The following SAMTOR variants were observed in gnomAD, a reference collection of about 807,000 sequenced individuals.
The protein encoded by SAMTOR is S-adenosylmethionine sensor upstream of mTORC1, also known as UPF0532 protein C7orf60.
the SAMTOR span, among the ~76,000 whole-genome samples, chr7:112,924,167 T>C: frequency 0.011 from 1,631 of 151,436 alleles, 32 homozygotes; most frequent in African/African-American, 0.037. Flanking sequence ...ACATTGTGCA[T>C]ATGTACCCTA....
chr7:112,907,668 G>A, the SAMTOR span, among the ~76,000 whole-genome samples: 3 of 150,834 alleles, frequency 2.0e-5, no homozygotes, highest in Non-Finnish European at 3.0e-5. Context: ...TAATTCACAG[G>A]AAAAAAAGGC....
chr7:112,919,094 G>A, the SAMTOR span, among the ~76,000 whole-genome samples: 2 of 152,066 alleles, frequency 1.3e-5, no homozygotes, highest in Non-Finnish European at 2.9e-5. Context: ...TGCACCAAGT[G>A]GACCTAATAG....
chr7:112,908,429 C>T, the SAMTOR span, among the ~76,000 whole-genome samples: 1 of 152,152 alleles, frequency 6.6e-6, no homozygotes, highest in African/African-American at 2.4e-5. Flanking sequence ...TCATGGATTG[C>T]CACCTTGCCC....
the SAMTOR span, chr7:112,939,414 G>A: frequency 6.6e-6 from 6 of 913,086 alleles, no homozygotes; most frequent in Non-Finnish European, 8.1e-6. Context: ...GGGGCGGGGA[G>A]GAGCGCGTCT....
the SAMTOR span, among the ~76,000 whole-genome samples, chr7:112,906,272 G>C: frequency 9.8e-5 from 15 of 152,300 alleles, no homozygotes; most frequent in South Asian, 3.1e-3. Context: ...CAATTGTTAA[G>C]TATTTGTGTA....
At chr7:112,827,063 C>T in the SAMTOR span, among the ~76,000 whole-genome samples, 1 of 152,070 alleles carries the variant, frequency 6.6e-6, no homozygotes, top group Non-Finnish European at 1.5e-5. Flanking sequence ...TCATTTTTAT[C>T]CCTGATCATA....
chr7:112,821,556 A>C, the SAMTOR span: 1 of 491,362 alleles, frequency 2.0e-6, no homozygotes, highest in Non-Finnish European at 3.5e-6. Context: ...ACTCTGCATG[A>C]AACTTTAAGC....
the SAMTOR span, among the ~76,000 whole-genome samples, chr7:112,903,443 GAAA>G: frequency 7.3e-6 from 1 of 137,628 alleles, no homozygotes; most frequent in Non-Finnish European, 1.6e-5. Flanking sequence ...ATCCTGGATT[GAAA>G]AAAAAAAAAA....
At chr7:112,865,802 T>C in the SAMTOR span, among the ~76,000 whole-genome samples, 1 of 143,634 alleles carries the variant, frequency 7.0e-6, no homozygotes, top group Non-Finnish European at 1.5e-5. Flanking sequence ...ATATACTTAT[T>C]TATATATTTA....
the SAMTOR span, chr7:112,939,328 G>A: frequency 3.7e-6 from 2 of 545,084 alleles, no homozygotes; most frequent in Non-Finnish European, 6.5e-6. Context: ...CCCGGCTGGG[G>A]ACAGGGGCTT....
chr7:112,822,966 C>A, the SAMTOR span, among the ~76,000 whole-genome samples: 1 of 151,872 alleles, frequency 6.6e-6, no homozygotes, highest in Admixed American at 6.6e-5. Flanking sequence ...AGACAAATGA[C>A]CATGGGAAAC....
the SAMTOR span, among the ~76,000 whole-genome samples, chr7:112,872,923 G>A: frequency 3.3e-5 from 5 of 151,548 alleles, no homozygotes; most frequent in Non-Finnish European, 5.9e-5. Flanking sequence ...CCCCTTTACA[G>A]TAGCTGTGTG....
the SAMTOR span, among the ~76,000 whole-genome samples, chr7:112,896,997 G>A: frequency 1.3e-5 from 2 of 152,060 alleles, no homozygotes; most frequent in African/African-American, 4.8e-5. Context: ...AAGATGAGTG[G>A]ACCTATTCAC....
chr7:112,874,724 T>A, the SAMTOR span, among the ~76,000 whole-genome samples: 5 of 145,478 alleles, frequency 3.4e-5, no homozygotes, highest in East Asian at 9.7e-4. Flanking sequence ...TCTGTCTTAA[T>A]CTTGATGTTT....
At chr7:112,877,272 A>G in the SAMTOR span, among the ~76,000 whole-genome samples, 1 of 152,198 alleles carries the variant, frequency 6.6e-6, no homozygotes, top group Non-Finnish European at 1.5e-5. Flanking sequence ...GTGTTCTAAC[A>G]GGAAAGACAG....
the SAMTOR span, among the ~76,000 whole-genome samples, chr7:112,869,156 G>C: frequency 3.4e-4 from 52 of 151,822 alleles, no homozygotes; most frequent in South Asian, 2.1e-4. Context: ...TGAATTCGGA[G>C]AGTGGGGGTA....
the SAMTOR span, among the ~76,000 whole-genome samples, chr7:112,876,777 T>C: frequency 7.2e-5 from 11 of 152,340 alleles, no homozygotes; most frequent in African/African-American, 2.4e-4. Context: ...TCAAAGCTCT[T>C]TATTATCTAA....
At chr7:112,917,474 T>C in the SAMTOR span, among the ~76,000 whole-genome samples, 3 of 151,876 alleles carry the variant, frequency 2.0e-5, no homozygotes, top group African/African-American at 7.3e-5. Flanking sequence ...AGACCAAAAG[T>C]AGATAAAACC....
the SAMTOR span, among the ~76,000 whole-genome samples, chr7:112,866,642 G>A: frequency 6.6e-6 from 1 of 152,246 alleles, no homozygotes; most frequent in Admixed American, 6.5e-5. Context: ...CCAAGAAGAG[G>A]GCTCTTCTAC....
Sources: allele counts gnomAD v4.1 joint callset (sites outside exome capture counted in the v4.1 genomes callset), GRCh38; gene constraint gnomAD v4.1.1; transcripts MANE v1.5; gene names NCBI Gene and HGNC (gene_info 2026-07-23, HGNC 2026-07-21).